The following ARHGAP17 variants were observed in gnomAD, a reference collection of about 807,000 sequenced individuals.
ARHGAP17 encodes Rho GTPase activating protein 17.
A neutral mutation model predicts 99.5 loss-of-function variants in ARHGAP17; 57 were observed. That is an observed-to-expected ratio of 0.57 (90% CI 0.46 to 0.71). The LOEUF is 0.71. Ranked by LOEUF, ARHGAP17 falls within the 30% of genes least tolerant of loss-of-function variation. The pLI, the probability that ARHGAP17 is intolerant of heterozygous loss-of-function variation, is 0.00. For synonymous variants in ARHGAP17, 417 were observed against 429.6 expected (o/e 0.97, Z 0.36); for missense variants, 1,000 against 1,122.4 (o/e 0.89, Z 1.56).
In ARHGAP17 at chr16:25,011,698, C is replaced by CA. The variant is rs11299719; in HGVS notation, c.53+3510dup. On this transcript the variant is annotated intron_variant, in intron 1 of 19. Transcript: ENST00000289968. ...TGGGTGACAGAGCCAGACTCCGTCT[C>CA]AAAAAAAAAAAAAAAGAGTGGAACC... Among the ~76,000 whole-genome samples, 551 of 122,784 alleles carry CA rather than the reference C, an allele frequency of 4.5e-3. 4 individuals carry two copies. The highest frequency in any genetic ancestry group is 0.014 in the African/African-American group (468 of 33,802). 80.6% of individuals were successfully genotyped at this position (122,784 alleles called of 152,430 possible). A position where few individuals can be genotyped will look rare whatever the true frequency, so the allele number is the denominator to read the frequency against.
At chr16:24,993,422 C>T (rs1389956031) in intron 1 of ARHGAP17, among the ~76,000 whole-genome samples, 1 of 151,824 alleles carries the variant, frequency 6.6e-6, no homozygotes, top group African/African-American at 2.4e-5. Flanking sequence ...CCCATTTCTA[C>T]TAAAATACAA....
At chr16:24,963,906 G>A (rs1394206609) in intron 7 of ARHGAP17, among the ~76,000 whole-genome samples, 1 of 151,888 alleles carries the variant, frequency 6.6e-6, no homozygotes, top group Non-Finnish European at 1.5e-5. Context: ...TTTAATCGCT[G>A]TAATTTTATT....
chr16:24,954,772 C>T (rs759846681), intron 9 of ARHGAP17, 42 bp from the exon 10 acceptor site: 199 of 1,605,710 alleles, frequency 1.2e-4, no homozygotes, highest in Non-Finnish European at 1.5e-4. Context: ...AACAAACTCA[C>T]GGCATTACCA....
At chr16:24,976,363 A>G (rs987860255) in intron 3 of ARHGAP17, among the ~76,000 whole-genome samples, 2 of 152,068 alleles carry the variant, frequency 1.3e-5, no homozygotes, top group African/African-American at 2.4e-5. Flanking sequence ...CCCCATCTCT[A>G]CAAAAAAATT....
chr16:24,965,912 A>C (rs1252317314), intron 6 of ARHGAP17, among the ~76,000 whole-genome samples: 1 of 152,204 alleles, frequency 6.6e-6, no homozygotes, highest in Middle Eastern at 3.2e-3. Context: ...GAAAAGCAAG[A>C]AGAATGAGAA....
intron 1 of ARHGAP17, among the ~76,000 whole-genome samples, chr16:24,983,547 C>T (rs973468626): frequency 1.3e-5 from 2 of 152,170 alleles, no homozygotes; most frequent in African/African-American, 2.4e-5. Context: ...TCAAGCCATC[C>T]TCCCGCCTCC....
In ARHGAP17 at chr16:25,015,302, C is replaced by A. The variant is rs1199629784; in HGVS notation, c.-41G>T. On this transcript the variant is annotated 5_prime_UTR_variant, in exon 1 of 20. Coordinates refer to ENST00000289968, the MANE Select transcript of ARHGAP17 (RefSeq NM_001006634.3). ...GGCGGCCCGCGGGGCTCGGGCCGGG[C>A]AGGGCGGGGGACAGCCTGGCAGCTA... The A allele has an allele frequency of 7.7e-7, 1 of 1,303,190 alleles. No individual in the cohort carries two copies. The allele number at this position is 1,303,190 out of a possible 1,614,324, so 80.7% of individuals were successfully genotyped here. A position where few individuals can be genotyped will look rare whatever the true frequency, so the allele number is the denominator to read the frequency against.
chr16:24,986,773 G>T (rs972401450), intron 1 of ARHGAP17, among the ~76,000 whole-genome samples: 1 of 152,162 alleles, frequency 6.6e-6, no homozygotes, highest in Non-Finnish European at 1.5e-5. Flanking sequence ...TAACTTTTTA[G>T]AATCACTTTG....
chr16:24,924,505 G>A (rs1172460072), intron 19 of ARHGAP17, among the ~76,000 whole-genome samples: 1 of 147,854 alleles, frequency 6.8e-6, no homozygotes, highest in African/African-American at 2.5e-5. Context: ...TATCCTCAAA[G>A]ACCAGCCCTT....
intron 1 of ARHGAP17, among the ~76,000 whole-genome samples, chr16:25,000,537 G>A (rs2053332565): frequency 6.6e-6 from 1 of 152,060 alleles, no homozygotes. Context: ...AAGATTATAG[G>A]CAAATCTGTG....
intron 1 of ARHGAP17, among the ~76,000 whole-genome samples, chr16:25,004,376 A>T (rs1370371505): frequency 6.6e-6 from 1 of 152,150 alleles, no homozygotes; most frequent in Non-Finnish European, 1.5e-5. Context: ...CACTCCCTCC[A>T]TCCAAGCACT....
At chr16:24,939,628 C>T (rs753579121) in intron 16 of ARHGAP17, 31 bp from the exon 17 acceptor site, 3 of 1,567,368 alleles carry the variant, frequency 1.9e-6, no homozygotes, top group South Asian at 2.3e-5. Flanking sequence ...GTCAACACAC[C>T]ATGCGAGCAG....
chr16:24,951,549 C>T (rs1411027214), intron 12 of ARHGAP17, among the ~76,000 whole-genome samples: 2 of 152,124 alleles, frequency 1.3e-5, no homozygotes, highest in African/African-American at 4.8e-5. Flanking sequence ...CACAGATGAA[C>T]TGCCACCCCT....
intron 7 of ARHGAP17, 63 bp from the exon 8 acceptor site, chr16:24,960,042 G>A: frequency 6.7e-7 from 1 of 1,495,876 alleles, no homozygotes; most frequent in Non-Finnish European, 9.3e-7. Context: ...TGGCATCTGA[G>A]AACAATCTCT....
At chr16:24,978,917 T>C in intron 2 of ARHGAP17, 49 bp downstream of exon 2, 1 of 1,461,720 alleles carries the variant, frequency 6.8e-7, no homozygotes, top group Non-Finnish European at 9.2e-7. Context: ...CATAGGAATT[T>C]TTTTCCATCC....
At chr16:24,998,676 A>T (rs1264131517) in intron 1 of ARHGAP17, among the ~76,000 whole-genome samples, 1 of 152,242 alleles carries the variant, frequency 6.6e-6, no homozygotes, top group East Asian at 1.9e-4. Context: ...CTTGGAGGCC[A>T]TGAAATGCTG....
intron 6 of ARHGAP17, among the ~76,000 whole-genome samples, chr16:24,966,322 C>G (rs377622697): frequency 3.3e-5 from 5 of 152,156 alleles, no homozygotes; most frequent in East Asian, 1.9e-4. Context: ...CATACCGAGA[C>G]CAGGTCTCTA....
chr16:24,968,254 C>T (rs1370240817), intron 6 of ARHGAP17, 97 bp downstream of exon 6: 59 of 1,418,222 alleles, frequency 4.2e-5, no homozygotes, highest in Middle Eastern at 1.8e-4. Flanking sequence ...GTCAAATGCA[C>T]GAATTGGTGA....
chr16:24,947,402 G>T, intron 14 of ARHGAP17, 80 bp downstream of exon 14: 1 of 1,228,622 alleles, frequency 8.1e-7, no homozygotes. Flanking sequence ...AAACTAGAAT[G>T]TGTAACCTGA....
Sources: gnomAD v4.1 joint callset for allele counts (sites outside exome capture counted in the v4.1 genomes callset) on GRCh38, gnomAD v4.1.1 for gene constraint, MANE v1.5 for transcripts, NCBI Gene and HGNC (gene_info 2026-07-23, HGNC 2026-07-21) for gene names.